Variants in SKAP1 observed in about 807,000 individuals in gnomAD.
SKAP1 encodes src kinase-associated phosphoprotein 1.
A neutral mutation model predicts 58.5 loss-of-function variants in SKAP1; 44 were observed. The ratio of observed to expected loss-of-function variants is 0.75; its 90% CI spans 0.59 to 0.97. The LOEUF (loss-of-function observed/expected upper bound fraction) is 0.97. Among genes scored for constraint, SKAP1 ranks in the 50% least tolerant of loss-of-function variants. The pLI is 0.00. For missense variants in SKAP1, 390 were observed against 435.2 expected, an observed-to-expected ratio of 0.90 and a Z score of 0.92; for synonymous variants, 127 against 149.7, an observed-to-expected ratio of 0.85 and a Z score of 1.11.
intron 4 of SKAP1, among the ~76,000 whole-genome samples, chr17:48,292,158 A>G (rs916013754): frequency 2.0e-5 from 3 of 151,508 alleles, no homozygotes; most frequent in African/African-American, 7.2e-5. Context: ...AAAGAAAGAA[A>G]GAAAAGAAAA....
intron 4 of SKAP1, among the ~76,000 whole-genome samples, chr17:48,320,181 C>T (rs2066342919): frequency 6.6e-6 from 1 of 152,066 alleles, no homozygotes; most frequent in African/African-American, 2.4e-5. Context: ...CTCTCATGAA[C>T]CACAAATAAC....
intron 1 of SKAP1, among the ~76,000 whole-genome samples, chr17:48,404,423 G>C (rs141023544): frequency 0.025 from 3,739 of 152,238 alleles, 143 homozygotes; most frequent in African/African-American, 0.084. Flanking sequence ...TTGCACTCCA[G>C]CCTGGGCAAG....
intron 4 of SKAP1, among the ~76,000 whole-genome samples, chr17:48,296,667 G>A (rs1479827398): frequency 2.6e-5 from 4 of 152,130 alleles, no homozygotes; most frequent in Non-Finnish European, 4.4e-5. Flanking sequence ...AAAGATTTAC[G>A]TGAGCAGCTG....
intron 4 of SKAP1, among the ~76,000 whole-genome samples, chr17:48,211,167 T>C (rs1483367595): frequency 6.6e-6 from 1 of 152,122 alleles, no homozygotes; most frequent in Non-Finnish European, 1.5e-5. Context: ...CTGGGCTGGG[T>C]GCAGTGGCTC....
intron 3 of SKAP1, among the ~76,000 whole-genome samples, chr17:48,347,975 T>C (rs1262154745): frequency 6.6e-6 from 1 of 152,166 alleles, no homozygotes; most frequent in East Asian, 1.9e-4. Context: ...TACTGAACAT[T>C]ATGTATAAAC....
intron 4 of SKAP1, among the ~76,000 whole-genome samples, chr17:48,244,040 C>A (rs1441360056): frequency 6.6e-6 from 1 of 152,068 alleles, no homozygotes; most frequent in African/African-American, 2.4e-5. Flanking sequence ...ATTATTTTCC[C>A]CACAGTGTGC....
chr17:48,282,023 T>C (rs2065772398), intron 4 of SKAP1, among the ~76,000 whole-genome samples: 1 of 152,200 alleles, frequency 6.6e-6, no homozygotes, highest in Admixed American at 6.5e-5. Flanking sequence ...TACTTGATTC[T>C]TCATGCACCG....
At chr17:48,406,841 CG>C (rs1325950865) in intron 1 of SKAP1, among the ~76,000 whole-genome samples, 1 of 152,042 alleles carries the variant, frequency 6.6e-6, no homozygotes, top group Non-Finnish European at 1.5e-5. Context: ...GCTGGGATTA[CG>C]GGTGTAAGCC....
chr17:48,378,329 G>A (rs1426561165), intron 2 of SKAP1, among the ~76,000 whole-genome samples: 2 of 152,166 alleles, frequency 1.3e-5, no homozygotes, highest in African/African-American at 2.4e-5. Flanking sequence ...TGAGACTTTT[G>A]CTGCAGCCTT....
chr17:48,386,796 A>G (rs897638236), intron 2 of SKAP1, among the ~76,000 whole-genome samples: 8 of 152,220 alleles, frequency 5.3e-5, no homozygotes, highest in Non-Finnish European at 1.0e-4. Context: ...ACTATTAGCT[A>G]CATACACTGC....
intron 2 of SKAP1, among the ~76,000 whole-genome samples, chr17:48,371,646 T>C (rs1045062029): frequency 3.5e-5 from 3 of 86,638 alleles, no homozygotes; most frequent in Non-Finnish European, 6.3e-5. Context: ...GGTGAAACCT[T>C]GTCTCCACAA....
chr17:48,275,669 C>T (rs2144008869), intron 4 of SKAP1, among the ~76,000 whole-genome samples: 1 of 152,256 alleles, frequency 6.6e-6, no homozygotes, highest in Middle Eastern at 3.4e-3. Flanking sequence ...AAAGCAGAAG[C>T]TGAGTCAAGG....
chr17:48,233,752 A>T (rs1598452111), intron 4 of SKAP1, among the ~76,000 whole-genome samples: 1 of 152,224 alleles, frequency 6.6e-6, no homozygotes, highest in Admixed American at 6.5e-5. Context: ...ACTACTAGGG[A>T]GGCTGAGGCA....
chr17:48,345,846 T>G, intron 4 of SKAP1, 59 bp downstream of exon 4: 1 of 1,200,526 alleles, frequency 8.3e-7, no homozygotes, highest in African/African-American at 1.5e-5. Context: ...GGCAAAGATG[T>G]CAGGCCAGAA....
chr17:48,211,170 A>T (rs913467390), intron 4 of SKAP1, among the ~76,000 whole-genome samples: 1 of 152,190 alleles, frequency 6.6e-6, no homozygotes, highest in African/African-American at 2.4e-5. Flanking sequence ...GGCTGGGTGC[A>T]GTGGCTCATG....
chr17:48,208,678 A>G (rs1257166439), intron 4 of SKAP1, among the ~76,000 whole-genome samples: 1 of 152,210 alleles, frequency 6.6e-6, no homozygotes, highest in Non-Finnish European at 1.5e-5. Context: ...CTCTTTGACT[A>G]TTCCTAGTGA....
intron 4 of SKAP1, among the ~76,000 whole-genome samples, chr17:48,209,995 A>G (rs913707531): frequency 6.6e-6 from 1 of 152,256 alleles, no homozygotes; most frequent in African/African-American, 2.4e-5. Context: ...TGGGAGAGGT[A>G]GCACATTAAT....
At chr17:48,227,401 G>C (rs903834434) in intron 4 of SKAP1, among the ~76,000 whole-genome samples, 3 of 152,144 alleles carry the variant, frequency 2.0e-5, no homozygotes, top group African/African-American at 7.2e-5. Context: ...TCTGTCCTAA[G>C]ATTCTTGGAT....
intron 3 of SKAP1, among the ~76,000 whole-genome samples, chr17:48,349,098 A>G (rs1193870930): frequency 1.3e-5 from 2 of 152,218 alleles, no homozygotes; most frequent in Non-Finnish European, 2.9e-5. Flanking sequence ...ATATAAATAT[A>G]CACTCCCATG....
Sources: gnomAD v4.1 joint callset for allele counts (sites outside exome capture counted in the v4.1 genomes callset) on GRCh38, gnomAD v4.1.1 for gene constraint, MANE v1.5 for transcripts, NCBI Gene and HGNC (gene_info 2026-07-23, HGNC 2026-07-21) for gene names.